Variants in TRPC5 observed in about 807,000 individuals in gnomAD.
The protein encoded by TRPC5 is transient receptor potential cation channel subfamily C member 5, also known as short transient receptor potential channel 5.
A neutral mutation model predicts 56.5 loss-of-function variants in TRPC5; 9 were observed. The observed-to-expected ratio is 0.16, with a 90% CI of 0.10 to 0.28. TRPC5 has a LOEUF of 0.28. Among genes scored for constraint, TRPC5 ranks in the 10% least tolerant of loss-of-function variants. The pLI is 1.00. For missense variants in TRPC5, 469 were observed against 748.9 expected (o/e 0.63, Z 4.36); for synonymous variants, 282 against 278.5 (o/e 1.01, Z -0.13).
At chrX:111,863,599 A>G (rs763424558) in intron 3 of TRPC5, among the ~76,000 whole-genome samples, 1 of 112,053 alleles carries the variant, frequency 8.9e-6, no homozygotes, top group Middle Eastern at 4.6e-3. Flanking sequence ...CTGGAAGCCT[A>G]TTATTTCTTT....
intron 2 of TRPC5, among the ~76,000 whole-genome samples, chrX:111,940,176 T>C (rs1270978080): frequency 8.9e-6 from 1 of 111,986 alleles, no homozygotes; most frequent in East Asian, 2.8e-4. Context: ...CCCACTATTC[T>C]TTCAGGAGCA....
chrX:111,959,601 C>T (rs1222437000), intron 1 of TRPC5, among the ~76,000 whole-genome samples: 2 of 111,640 alleles, frequency 1.8e-5, no homozygotes, highest in East Asian at 5.6e-4. Context: ...GGGACATAAT[C>T]ATGTCACATT....
intron 1 of TRPC5, among the ~76,000 whole-genome samples, chrX:112,015,826 G>A (rs1929107294): frequency 8.9e-6 from 1 of 111,772 alleles, no homozygotes; most frequent in African/African-American, 3.3e-5. Context: ...GGTAATAGGA[G>A]GAGGCCAGTA....
intron 7 of TRPC5, among the ~76,000 whole-genome samples, chrX:111,786,954 C>T (rs7053161): frequency 0.053 from 5,902 of 111,098 alleles, 386 homozygotes; most frequent in African/African-American, 0.18. Context: ...TAGACTCCCA[C>T]ACAATAATAA....
chrX:111,927,300 G>A (rs988911267), intron 2 of TRPC5, among the ~76,000 whole-genome samples: 2 of 112,078 alleles, frequency 1.8e-5, no homozygotes, highest in Non-Finnish European at 3.8e-5. Context: ...TCCCCCTGGG[G>A]GGCAAAATCA....
intron 7 of TRPC5, among the ~76,000 whole-genome samples, chrX:111,799,873 G>A (rs947903695): frequency 2.7e-5 from 3 of 111,975 alleles, no homozygotes; most frequent in Admixed American, 9.5e-5. Flanking sequence ...ATCACTTGAC[G>A]GAGATGAGTG....
At chrX:112,075,380 G>C (rs746332446) in intron 1 of TRPC5, among the ~76,000 whole-genome samples, 1 of 111,199 alleles carries the variant, frequency 9.0e-6, no homozygotes, top group East Asian at 2.8e-4. Flanking sequence ...TGTTAAATGG[G>C]AATAATAATA....
At chrX:111,805,124 G>A (rs192164720) in intron 7 of TRPC5, among the ~76,000 whole-genome samples, 20 of 111,661 alleles carry the variant, frequency 1.8e-4, no homozygotes, top group Non-Finnish European at 3.2e-4. Context: ...ATTTTTTGTC[G>A]TTGGTTCTGA....
chrX:111,808,172 G>A (rs1000384725), intron 7 of TRPC5, among the ~76,000 whole-genome samples: 1 of 109,750 alleles, frequency 9.1e-6, no homozygotes, highest in African/African-American at 3.3e-5. Context: ...CTCTACAATC[G>A]GCAGGTGGCA....
chrX:111,804,525 TG>T (rs1363521348), intron 7 of TRPC5, among the ~76,000 whole-genome samples: 2 of 111,483 alleles, frequency 1.8e-5, no homozygotes, highest in Non-Finnish European at 3.8e-5. Flanking sequence ...TCTTTTATTT[TG>T]TTGAGCAGTG....
chrX:112,053,851 G>C (rs1471831865), intron 1 of TRPC5, among the ~76,000 whole-genome samples: 3 of 112,085 alleles, frequency 2.7e-5, no homozygotes, highest in African/African-American at 9.7e-5. Flanking sequence ...TCCCATATAG[G>C]AGTGTGCTTA....
chrX:112,033,041 T>C (rs2147720390), intron 1 of TRPC5, among the ~76,000 whole-genome samples: 1 of 108,882 alleles, frequency 9.2e-6, no homozygotes, highest in East Asian at 2.9e-4. Context: ...TATGCAGCCA[T>C]AAAAAGGATG....
intron 2 of TRPC5, among the ~76,000 whole-genome samples, chrX:111,933,250 C>T (rs1251226761): frequency 3.6e-5 from 4 of 111,634 alleles, no homozygotes; most frequent in Non-Finnish European, 7.5e-5. Flanking sequence ...GTGAATTTTG[C>T]ACTGATGTTT....
chrX:111,819,820 A>C (rs1462129153), intron 7 of TRPC5, among the ~76,000 whole-genome samples: 1 of 111,380 alleles, frequency 9.0e-6, no homozygotes, highest in Non-Finnish European at 1.9e-5. Context: ...GTTCCCTCTC[A>C]CCTACTTCCT....
chrX:111,955,567 T>C (rs1352657027), intron 1 of TRPC5, among the ~76,000 whole-genome samples: 1 of 111,948 alleles, frequency 8.9e-6, no homozygotes, highest in African/African-American at 3.3e-5. Flanking sequence ...GCATTGTCTG[T>C]TGACATGCAG....
chrX:111,901,836 A>C, intron 3 of TRPC5: 5 of 1,097,496 alleles, frequency 4.6e-6, no homozygotes, highest in Non-Finnish European at 6.0e-6. Flanking sequence ...ATCTATTTAG[A>C]AGAGCACTGC....
chrX:111,909,350 A>AT (rs1410916767), intron 3 of TRPC5, among the ~76,000 whole-genome samples: 1,060 of 104,893 alleles, frequency 0.01, 12 homozygotes, highest in Non-Finnish European at 0.015. Flanking sequence ...AAATAAATAA[A>AT]TAAATAAATT....
intron 2 of TRPC5, among the ~76,000 whole-genome samples, chrX:111,944,959 T>C (rs1291461857): frequency 9.0e-6 from 1 of 111,099 alleles, no homozygotes; most frequent in Non-Finnish European, 1.9e-5. Context: ...TAATTTGTTA[T>C]GGCAGCCCTA....
intron 1 of TRPC5, among the ~76,000 whole-genome samples, chrX:112,013,196 G>A (rs1285659253): frequency 1.8e-5 from 2 of 111,343 alleles, no homozygotes; most frequent in South Asian, 7.7e-4. Flanking sequence ...TATCACACAG[G>A]CTGGAGTGCA....
Sources: gnomAD v4.1 joint callset for allele counts (sites outside exome capture counted in the v4.1 genomes callset) on GRCh38, gnomAD v4.1.1 for gene constraint, MANE v1.5 for transcripts, NCBI Gene and HGNC (gene_info 2026-07-23, HGNC 2026-07-21) for gene names.